Variants in MORC1 observed in about 807,000 individuals in gnomAD.
The protein encoded by MORC1 is MORC family CW-type zinc finger protein 1.
MORC1 carries 59 observed loss-of-function variants against 134.9 expected under a neutral mutation model. The observed-to-expected ratio is 0.44, with a 90% CI of 0.35 to 0.54. The LOEUF (loss-of-function observed/expected upper bound fraction) is 0.54, where lower values mean the gene tolerates loss of function less well. Ranked by LOEUF, MORC1 falls within the 20% of genes least tolerant of loss-of-function variation. The probability of loss-of-function intolerance (pLI) is 0.00; values close to 1 mark genes in which losing one functional copy is unlikely to be tolerated. For missense variants in MORC1, 947 were observed against 1,134.5 expected, an observed-to-expected ratio of 0.83 and a Z score of 2.37; for synonymous variants, 395 against 391.7, an observed-to-expected ratio of 1.01 and a Z score of -0.10.
At chr3:108,996,425 A>G (rs1948229082) in intron 21 of MORC1, among the ~76,000 whole-genome samples, 1 of 152,200 alleles carries the variant, frequency 6.6e-6, no homozygotes, top group Admixed American at 6.5e-5. Context: ...TATGAAAAAT[A>G]AGAAGTTTGC....
At position 109,095,009 on chromosome 3, in the gene MORC1, G is replaced by A. The variant is rs775724632; in HGVS notation, c.483C>T (p.Pro161=). The stretch of plus-strand genomic sequence containing the variant: ...TAGATAATTCCATTGCAAATTTCTG[G>A]GGATCATCTGTGACAGATTCTCTGG... ...IRTRESVTDD[P]QKFAMELSII... The change falls in exon 7 of 28, where the codon CCC becomes CCT. Residue 161 remains proline (P), a synonymous_variant. Coordinates refer to ENST00000232603, the MANE Select transcript of MORC1 (RefSeq NM_014429.4). 4.4e-6 allele frequency: 7 copies of A among 1,589,930 alleles called. No homozygotes were observed. The African/African-American group carries it at 9.5e-5, about 22-fold the overall frequency.
In MORC1 at chr3:108,963,605, G is replaced by T; in HGVS notation, c.2608C>A (p.Gln870Lys). The T allele has an allele frequency of 6.5e-7, 1 of 1,530,282 alleles. No individual in the cohort carries two copies. Among genetic ancestry groups the T allele is most frequent in the Non-Finnish European group, 8.8e-7 (1 of 1,139,428 alleles). 94.8% of individuals were successfully genotyped at this position (1,530,282 alleles called of 1,614,324 possible). ...KKLKMCFNQI[Q>K]NTYMVQYEKK... is the part of the protein sequence containing the mutation. ...TCATATTGGACCATGTAAGTATTCT[G>T]TATCTGGGAATGTTTTAAAAACAGT... The change falls in exon 27 of 28, where the codon CAG (glutamine) becomes AAG (lysine). Residue 870 changes from glutamine to lysine, a missense_variant. Physicochemically the swap from Gln to Lys is moderately conservative, Grantham distance 53. This residue lies in a region of MORC1 where 722 missense variants were observed against 817.0 expected (regional missense o/e 0.88). Coordinates refer to ENST00000232603, the MANE Select transcript of MORC1 (RefSeq NM_014429.4).
At chr3:109,011,536 T>G (rs1217114667) in intron 17 of MORC1, among the ~76,000 whole-genome samples, 1 of 151,956 alleles carries the variant, frequency 6.6e-6, no homozygotes, top group Admixed American at 6.6e-5. Context: ...TTTTTTTTTT[T>G]TTGAGATGGA....
intron 8 of MORC1, 104 bp downstream of exon 8, chr3:109,093,332 C>G (rs1253212203): frequency 2.6e-6 from 2 of 776,788 alleles, no homozygotes; most frequent in Non-Finnish European, 4.2e-6. Context: ...ATGAATTGTC[C>G]CAGTGCTAAA....
chr3:109,102,297 A>G (rs1012345169), intron 4 of MORC1, among the ~76,000 whole-genome samples: 2 of 152,142 alleles, frequency 1.3e-5, no homozygotes, highest in Non-Finnish European at 2.9e-5. Flanking sequence ...ATAGGGCCAA[A>G]TAATGTAAGG....
At chr3:109,053,078 A>G (rs928452595) in intron 14 of MORC1, among the ~76,000 whole-genome samples, 4 of 151,288 alleles carry the variant, frequency 2.6e-5, no homozygotes, top group African/African-American at 4.9e-5. Context: ...ACCATCTCAC[A>G]CCAGTCAGAA....
intron 26 of MORC1, among the ~76,000 whole-genome samples, chr3:108,967,800 C>G (rs560668120): frequency 6.7e-6 from 1 of 149,306 alleles, no homozygotes; most frequent in East Asian, 2.1e-4. Flanking sequence ...TCAGCCTGGG[C>G]AATGTAGCAA....
intron 3 of MORC1, among the ~76,000 whole-genome samples, chr3:109,108,901 CA>C (rs11329896): frequency 0.82 from 107,514 of 131,382 alleles, 42,966 homozygotes; most frequent in East Asian, 0.9. Flanking sequence ...CTCCGTCTCA[CA>C]AAAAAAAAAA....
At chr3:109,006,546 T>C (rs1948544742) in intron 18 of MORC1, among the ~76,000 whole-genome samples, 1 of 152,222 alleles carries the variant, frequency 6.6e-6, no homozygotes, top group Non-Finnish European at 1.5e-5. Context: ...TTCCATATTT[T>C]TGTGTGTGAC....
At chr3:109,093,357 G>T in intron 8 of MORC1, 79 bp downstream of exon 8, 1 of 1,080,292 alleles carries the variant, frequency 9.3e-7, no homozygotes, top group South Asian at 1.4e-5. Context: ...AGTGACCTCA[G>T]ACCTGGAGCC....
chr3:109,059,564 C>CT (rs999460852), intron 12 of MORC1, among the ~76,000 whole-genome samples: 23 of 151,420 alleles, frequency 1.5e-4, no homozygotes, highest in Non-Finnish European at 2.4e-4. Flanking sequence ...TAATTTTTCA[C>CT]TTTTTTTTTG....
At chr3:109,009,206 TG>T (rs71106619) in intron 17 of MORC1, among the ~76,000 whole-genome samples, 10,413 of 119,028 alleles carry the variant, frequency 0.087, 1,195 homozygotes, top group African/African-American at 0.24. Flanking sequence ...CGTTTTTTGT[TG>T]TTTTTTTTTT....
chr3:109,013,930 A>G (rs2107558699), intron 17 of MORC1, among the ~76,000 whole-genome samples: 1 of 152,216 alleles, frequency 6.6e-6, no homozygotes, highest in Non-Finnish European at 1.5e-5. Flanking sequence ...CTGCCATGGG[A>G]TTACACAGCA....
intron 8 of MORC1, among the ~76,000 whole-genome samples, chr3:109,070,764 C>T (rs1361619248): frequency 6.6e-6 from 1 of 152,034 alleles, no homozygotes; most frequent in East Asian, 1.9e-4. Flanking sequence ...GGCAGAGCTC[C>T]AAGGAATTTT....
At chr3:109,003,330 T>C (rs1948453932) in intron 20 of MORC1, among the ~76,000 whole-genome samples, 1 of 151,938 alleles carries the variant, frequency 6.6e-6, no homozygotes, top group South Asian at 2.1e-4. Context: ...TATATGTGTA[T>C]ATATATCTAC....
chr3:109,106,648 T>C (rs1288732936), intron 3 of MORC1, among the ~76,000 whole-genome samples: 2 of 152,178 alleles, frequency 1.3e-5, no homozygotes, highest in Non-Finnish European at 2.9e-5. Context: ...CGGATCATCA[T>C]TATGTTCTCC....
intron 14 of MORC1, among the ~76,000 whole-genome samples, chr3:109,037,714 T>G (rs933829718): frequency 6.6e-6 from 1 of 152,222 alleles, no homozygotes; most frequent in African/African-American, 2.4e-5. Context: ...GTCCTTGTTA[T>G]AGTTTGCTCA....
At chr3:109,062,091 C>G in intron 10 of MORC1, 33 bp from the exon 11 acceptor site, 1 of 1,598,104 alleles carries the variant, frequency 6.3e-7, no homozygotes, top group South Asian at 1.1e-5. Flanking sequence ...TATAACACAG[C>G]AAAATTATTT....
At chr3:108,980,233 G>A (rs1334895807) in intron 23 of MORC1, among the ~76,000 whole-genome samples, 2 of 152,090 alleles carry the variant, frequency 1.3e-5, no homozygotes, top group Non-Finnish European at 2.9e-5. Context: ...ACTCCCTAGA[G>A]GGCAAGTTCA....
Sources: gnomAD v4.1 joint callset for allele counts (sites outside exome capture counted in the v4.1 genomes callset) on GRCh38, gnomAD v4.1.1 for gene constraint, gnomAD v4.1.1 regional missense constraint, MANE v1.5 for transcripts, NCBI Gene and HGNC (gene_info 2026-07-23, HGNC 2026-07-21) for gene names.